PRKG1: variants seen among roughly 807,000 people sequenced by gnomAD.
PRKG1 encodes the protein protein kinase cGMP-dependent 1.
In PRKG1, 35 loss-of-function variants were observed where a neutral mutation model predicts 88.1. That is an observed-to-expected ratio of 0.40 (90% CI 0.30 to 0.53). The LOEUF (loss-of-function observed/expected upper bound fraction) is 0.53. PRKG1 is among the 20% of genes least tolerant of loss of function. PRKG1 has a pLI of 0.59. For synonymous variants in PRKG1, 303 were observed against 292.5 expected (o/e 1.04, Z -0.37); for missense variants, 540 against 839.8 (o/e 0.64, Z 4.41).
intron 4 of PRKG1, among the ~76,000 whole-genome samples, chr10:51,835,358 G>T (rs1263762047): frequency 6.6e-6 from 1 of 152,192 alleles, no homozygotes; most frequent in Non-Finnish European, 1.5e-5. Flanking sequence ...CATTTCTAAA[G>T]AGCACATCTC....
intron 4 of PRKG1, among the ~76,000 whole-genome samples, chr10:51,903,322 T>C (rs1842020266): frequency 6.6e-6 from 1 of 152,144 alleles, no homozygotes; most frequent in Non-Finnish European, 1.5e-5. Flanking sequence ...AATATTTGAA[T>C]GTGGAATAAA....
intron 3 of PRKG1, among the ~76,000 whole-genome samples, chr10:51,546,759 A>G (rs1842452354): frequency 6.6e-6 from 1 of 152,072 alleles, no homozygotes; most frequent in Non-Finnish European, 1.5e-5. Context: ...CCACAGTTTT[A>G]TCTGTGACTC....
chr10:51,200,827 T>C (rs774096424), intron 2 of PRKG1, among the ~76,000 whole-genome samples: 1 of 152,202 alleles, frequency 6.6e-6, no homozygotes, highest in Non-Finnish European at 1.5e-5. Flanking sequence ...TTTAATATGC[T>C]GCCTACTGAA....
rs1232699465 is a variant in PRKG1 at position 51,290,513 on chromosome 10, T to A, written c.478+137183T>A. 4.6e-5 allele frequency among the ~76,000 whole-genome samples: 7 copies of A among 152,278 alleles called. No individual in the cohort carries two copies. In the East Asian group the frequency reaches 1.4e-3, roughly 29 times the overall value. ...AATGGTCTGACTTCTTACATCACAA[T>A]ATGTAGAGATCCACTTAGCTCTCAA... On this transcript the variant is annotated intron_variant, in intron 2 of 17. Transcript: ENST00000373980.
chr10:51,454,237 A>G (rs1418713962), intron 2 of PRKG1, among the ~76,000 whole-genome samples: 2 of 152,082 alleles, frequency 1.3e-5, no homozygotes, highest in Non-Finnish European at 2.9e-5. Context: ...AAAGCTAGAA[A>G]AAAACAACCC....
chr10:51,331,318 G>A (rs1485120826), intron 2 of PRKG1, among the ~76,000 whole-genome samples: 2 of 152,096 alleles, frequency 1.3e-5, no homozygotes, highest in Non-Finnish European at 2.9e-5. Context: ...TCCCATGGTG[G>A]TGCAAGCTGG....
intron 8 of PRKG1, among the ~76,000 whole-genome samples, chr10:52,142,520 C>T (rs1023889100): frequency 1.3e-5 from 2 of 152,090 alleles, no homozygotes; most frequent in Non-Finnish European, 2.9e-5. Context: ...AATTACACTA[C>T]TTCTAAATAT....
At chr10:52,287,424 CT>C (rs1213096911) in intron 14 of PRKG1, among the ~76,000 whole-genome samples, 1 of 151,972 alleles carries the variant, frequency 6.6e-6, no homozygotes, top group Non-Finnish European at 1.5e-5. Flanking sequence ...CTACTCCTTA[CT>C]TTAAATTACT....
At position 52,161,872 on chromosome 10, in the gene PRKG1, CT is replaced by C; in HGVS notation, c.1002-11del. 6.2e-7 allele frequency: 1 copy of C among 1,610,502 alleles called. No homozygotes were observed. The highest frequency in any genetic ancestry group is 8.5e-7 in the Non-Finnish European group (1 of 1,177,902). On this transcript the variant is annotated splice_polypyrimidine_tract_variant and intron_variant, in intron 8 of 17. Coordinates refer to ENST00000373980, the MANE Select transcript of PRKG1 (RefSeq NM_006258.4). ...ATTTTGTAGAAGATTAATCACTGTGCTTTTTTCGTCTGACAGCTCTTTTAAA... is the reference window on the plus strand; with the variant it reads ...ATTTTGTAGAAGATTAATCACTGTGCTTTTTCGTCTGACAGCTCTTTTAAA...
At chr10:51,766,344 G>C (rs1234184627) in intron 3 of PRKG1, among the ~76,000 whole-genome samples, 1 of 152,036 alleles carries the variant, frequency 6.6e-6, no homozygotes. Context: ...TGAGTTAGTT[G>C]CTCCATATAG....
At chr10:51,045,306 AATATT>A (rs1419049523) in intron 1 of PRKG1, among the ~76,000 whole-genome samples, 2 of 146,678 alleles carry the variant, frequency 1.4e-5, no homozygotes, top group South Asian at 2.1e-4. Context: ...CATAGAAAAA[AATATT>A]TATTTATTTA....
chr10:51,307,503 C>A (rs952831652), intron 2 of PRKG1, among the ~76,000 whole-genome samples: 2 of 152,084 alleles, frequency 1.3e-5, no homozygotes, highest in African/African-American at 4.8e-5. Context: ...AAGTGGAGTT[C>A]TTTTTTCTAG....
chr10:51,797,529 G>T (rs995575956), intron 3 of PRKG1, among the ~76,000 whole-genome samples: 4 of 144,376 alleles, frequency 2.8e-5, no homozygotes, highest in African/African-American at 7.5e-5. Flanking sequence ...AGATAAATTT[G>T]TTGTATGTAT....
chr10:52,188,311 TAC>T (rs1839271573), intron 9 of PRKG1, among the ~76,000 whole-genome samples: 1 of 131,948 alleles, frequency 7.6e-6, no homozygotes, highest in African/African-American at 3.0e-5. Flanking sequence ...TGTATATATA[TAC>T]ATATGTATAT....
intron 2 of PRKG1, among the ~76,000 whole-genome samples, chr10:51,210,032 C>T (rs889832531): frequency 1.3e-5 from 2 of 152,108 alleles, no homozygotes; most frequent in Non-Finnish European, 2.9e-5. Context: ...ACAATTTTCT[C>T]GCAATAAAAA....
chr10:51,593,399 T>C (rs940436142), intron 3 of PRKG1, among the ~76,000 whole-genome samples: 1 of 152,214 alleles, frequency 6.6e-6, no homozygotes, highest in South Asian at 2.1e-4. Context: ...TATTAGACTT[T>C]ACCAGTTCCA....
At chr10:51,102,696 G>A (rs540107355) in intron 1 of PRKG1, among the ~76,000 whole-genome samples, 1 of 152,290 alleles carries the variant, frequency 6.6e-6, no homozygotes, top group East Asian at 1.9e-4. Flanking sequence ...AGGTAGATCA[G>A]TCTGTTGCAA....
intron 4 of PRKG1, among the ~76,000 whole-genome samples, chr10:51,814,423 G>A (rs1839533194): frequency 6.8e-6 from 1 of 146,410 alleles, no homozygotes; most frequent in Non-Finnish European, 1.5e-5. Flanking sequence ...CAATTTGGGG[G>A]CTGTTAGAAC....
chr10:51,077,476 A>G (rs1239036260), intron 1 of PRKG1, among the ~76,000 whole-genome samples: 1 of 152,168 alleles, frequency 6.6e-6, no homozygotes, highest in African/African-American at 2.4e-5. Flanking sequence ...ATATGCAAAT[A>G]TATCTGTTTA....
Sources: gnomAD v4.1 joint callset for allele counts (sites outside exome capture counted in the v4.1 genomes callset) on GRCh38, gnomAD v4.1.1 for gene constraint, MANE v1.5 for transcripts, NCBI Gene and HGNC (gene_info 2026-07-23, HGNC 2026-07-21) for gene names.